GRIA1: variants seen among roughly 807,000 people sequenced by gnomAD.
GRIA1 encodes the protein glutamate receptor 1.
In GRIA1, 31 loss-of-function variants were observed where a neutral mutation model predicts 99.2. The ratio of observed to expected loss-of-function variants is 0.31; its 90% confidence interval spans 0.23 to 0.42. The LOEUF (loss-of-function observed/expected upper bound fraction) is 0.42. GRIA1 is among the 10% of genes least tolerant of loss of function. GRIA1 has a pLI of 1.00. For synonymous variants in GRIA1, 438 were observed against 432.4 expected, an observed-to-expected ratio of 1.01 and a Z score of -0.16; for missense variants, 782 against 1,157.5, an observed-to-expected ratio of 0.68 and a Z score of 4.71.
At chr5:153,779,701 T>C (rs982464739) in intron 13 of GRIA1, among the ~76,000 whole-genome samples, 1 of 152,170 alleles carries the variant, frequency 6.6e-6, no homozygotes, top group African/African-American at 2.4e-5. Flanking sequence ...TAGCTGGGAT[T>C]ACAGCCGTGC....
intron 2 of GRIA1, among the ~76,000 whole-genome samples, chr5:153,631,193 C>T (rs1227149172): frequency 2.6e-5 from 4 of 152,208 alleles, no homozygotes; most frequent in Non-Finnish European, 4.4e-5. Flanking sequence ...TCTAGATAAT[C>T]AATGAGCTAA....
chr5:153,633,541 G>A (rs1226663978), intron 2 of GRIA1, among the ~76,000 whole-genome samples: 4 of 152,206 alleles, frequency 2.6e-5, no homozygotes, highest in Non-Finnish European at 5.9e-5. Context: ...AAGTCTCAGT[G>A]GTTGAAATTG....
intron 15 of GRIA1, among the ~76,000 whole-genome samples, chr5:153,808,970 A>G (rs1251650769): frequency 6.6e-6 from 1 of 152,210 alleles, no homozygotes; most frequent in Non-Finnish European, 1.5e-5. Context: ...CTTGTCCTTT[A>G]AGACAAATTC....
chr5:153,544,369 A>G (rs1759419427), intron 2 of GRIA1, among the ~76,000 whole-genome samples: 1 of 152,194 alleles, frequency 6.6e-6, no homozygotes, highest in Non-Finnish European at 1.5e-5. Context: ...TCAACCATCC[A>G]TGAGCATGAT....
chr5:153,781,358 A>T (rs1160475560), intron 13 of GRIA1, among the ~76,000 whole-genome samples: 5 of 115,656 alleles, frequency 4.3e-5, no homozygotes, highest in South Asian at 2.6e-4. Flanking sequence ...TTAGAGGAAT[A>T]AAAAAAAAAA....
intron 2 of GRIA1, among the ~76,000 whole-genome samples, chr5:153,626,398 T>C (rs907236255): frequency 3.3e-5 from 5 of 151,662 alleles, no homozygotes; most frequent in Admixed American, 6.6e-5. Flanking sequence ...TTGACTCTGC[T>C]CTCTCTATGT....
chr5:153,600,261 G>A (rs910458901), intron 2 of GRIA1, among the ~76,000 whole-genome samples: 5 of 151,750 alleles, frequency 3.3e-5, no homozygotes, highest in South Asian at 2.1e-4. Context: ...GCGTGGTGGC[G>A]GGCGCCTGTA....
intron 2 of GRIA1, among the ~76,000 whole-genome samples, chr5:153,541,328 T>G (rs6898704): frequency 0.46 from 70,674 of 152,064 alleles, 18,149 homozygotes; most frequent in Non-Finnish European, 0.59. Context: ...AGATTAACTT[T>G]CAGTCTAAAA....
chr5:153,629,896 TC>T (rs1752808670), intron 2 of GRIA1, among the ~76,000 whole-genome samples: 1 of 152,216 alleles, frequency 6.6e-6, no homozygotes, highest in Non-Finnish European at 1.5e-5. Flanking sequence ...ACTGTTGTTT[TC>T]CCCATACTAT....
intron 12 of GRIA1, among the ~76,000 whole-genome samples, chr5:153,765,166 T>C (rs1763432453): frequency 6.6e-6 from 1 of 152,038 alleles, no homozygotes; most frequent in South Asian, 2.1e-4. Flanking sequence ...GAGATGTGTT[T>C]TGGCAGAAGA....
At chr5:153,661,583 A>G (rs983669620) in intron 5 of GRIA1, among the ~76,000 whole-genome samples, 6 of 152,144 alleles carry the variant, frequency 3.9e-5, no homozygotes, top group Admixed American at 6.5e-5. Context: ...TAGAGGAAGG[A>G]TTGTGTGTGA....
chr5:153,757,896 T>C (rs1174147548), intron 11 of GRIA1, among the ~76,000 whole-genome samples: 1 of 152,106 alleles, frequency 6.6e-6, no homozygotes, highest in Admixed American at 6.6e-5. Flanking sequence ...TATACAGACA[T>C]TCACAATATT....
intron 11 of GRIA1, among the ~76,000 whole-genome samples, chr5:153,730,846 T>C (rs1327460399): frequency 1.3e-5 from 2 of 152,090 alleles, no homozygotes; most frequent in Non-Finnish European, 2.9e-5. Context: ...CATAATTCAT[T>C]TTCTCCTCTT....
At chr5:153,594,777 T>C (rs918328720) in intron 2 of GRIA1, among the ~76,000 whole-genome samples, 6 of 151,854 alleles carry the variant, frequency 4.0e-5, no homozygotes, top group African/African-American at 1.5e-4. Flanking sequence ...AGAGTCTAAA[T>C]ACTTTGTCTT....
chr5:153,726,929 AC>A (rs1760582748), intron 11 of GRIA1, among the ~76,000 whole-genome samples: 1 of 152,226 alleles, frequency 6.6e-6, no homozygotes, highest in South Asian at 2.1e-4. Flanking sequence ...CAGAGACACA[AC>A]CAAAAAAGAG....
At chr5:153,625,985 T>C (rs1767564790) in intron 2 of GRIA1, among the ~76,000 whole-genome samples, 4 of 152,132 alleles carry the variant, frequency 2.6e-5, no homozygotes, top group Admixed American at 2.6e-4. Flanking sequence ...CGTCACTTAG[T>C]GTGGAGAGTC....
chr5:153,718,780 A>AG (rs1393554159), intron 11 of GRIA1, among the ~76,000 whole-genome samples: 1 of 152,128 alleles, frequency 6.6e-6, no homozygotes, highest in African/African-American at 2.4e-5. Flanking sequence ...ACTGACAGGC[A>AG]TCTCCTTATC....
intron 2 of GRIA1, among the ~76,000 whole-genome samples, chr5:153,520,406 G>A (rs72800731): frequency 2.1e-4 from 32 of 152,286 alleles, no homozygotes; most frequent in African/African-American, 7.0e-4. Flanking sequence ...ATCAAAAGTT[G>A]CCAGATTCAA....
In GRIA1 at chr5:153,628,401, C is replaced by T. The variant is rs1178460086; in HGVS notation, c.221-18527C>T. On this transcript the variant is annotated intron_variant, in intron 2 of 15. Transcript: ENST00000285900. ...TCTGTCATTTCTGTGTGCCCTTGAA[C>T]TTTCATATTTTCCTCTGTAAATGGA... is the stretch of plus-strand genomic sequence containing the variant. Among the ~76,000 whole-genome samples, 3 of 152,178 alleles carry T rather than the reference C, an allele frequency of 2.0e-5. No homozygotes were observed. The East Asian group carries it at 5.8e-4, about 29-fold the overall frequency.
Sources: gnomAD v4.1 joint callset for allele counts (sites outside exome capture counted in the v4.1 genomes callset) on GRCh38, gnomAD v4.1.1 for gene constraint, MANE v1.5 for transcripts, NCBI Gene and HGNC (gene_info 2026-07-23, HGNC 2026-07-21) for gene names.